SLCO6A1: variants seen among roughly 807,000 people sequenced by gnomAD.
SLCO6A1 encodes solute carrier organic anion transporter family member 6A1, also known as cancer/testis antigen 48.
Under a neutral mutation model 72.7 loss-of-function variants are expected in SLCO6A1, and 65 were observed. That is an observed-to-expected ratio of 0.89 (90% CI 0.73 to 1.10). The LOEUF is 1.10. Ranked by LOEUF, SLCO6A1 falls within the 50% of genes least tolerant of loss-of-function variation. The pLI, the probability that SLCO6A1 is intolerant of heterozygous loss-of-function variation, is 0.00. For missense variants in SLCO6A1, 874 were observed against 872.6 expected, an observed-to-expected ratio of 1.00 and a Z score of -0.02; for synonymous variants, 314 against 298.2, an observed-to-expected ratio of 1.05 and a Z score of -0.55.
chr5:102,498,902 G>T lies in SLCO6A1; in HGVS notation c.-58C>A. 2 of 1,496,096 alleles carry T rather than the reference G, an allele frequency of 1.3e-6. No homozygotes were observed. Among genetic ancestry groups the T allele is most frequent in the Non-Finnish European group, 1.8e-6 (2 of 1,116,142 alleles). The allele number at this position is 1,496,096 out of a possible 1,614,324, so 92.7% of individuals were successfully genotyped here. On this transcript the variant is annotated 5_prime_UTR_variant, in exon 1 of 14. Transcript: ENST00000506729. ...CCGAGTGCTCTCGGCTGCCCGTCCT[G>T]CCTGGGCCAACCCAAAGGCCAGCCT... is the stretch of plus-strand genomic sequence containing the variant.
chr5:102,465,616 A>T (rs1216537163), intron 4 of SLCO6A1, among the ~76,000 whole-genome samples: 1 of 152,108 alleles, frequency 6.6e-6, no homozygotes, highest in East Asian at 1.9e-4. Context: ...AACCTAGAAG[A>T]ATAAAAATTA....
chr5:102,419,650 T>A (rs747269546), intron 8 of SLCO6A1, among the ~76,000 whole-genome samples, 176 bp downstream of exon 8: 21 of 152,118 alleles, frequency 1.4e-4, no homozygotes, highest in Non-Finnish European at 2.1e-4. Context: ...GATACCATTA[T>A]AATATTTGTG....
Position 102,498,473 on chromosome 5 carries a change from T to A in SLCO6A1, c.358+14A>T. 1 of 1,603,258 alleles carries A rather than the reference T, an allele frequency of 6.2e-7. No homozygotes were observed. The highest frequency in any genetic ancestry group is 8.5e-7 in the Non-Finnish European group (1 of 1,174,020). ...GCTGCCCTCGCCACAACAAACCGCC[T>A]CCTTCAGGCTCACCTTGACATATGA... On this transcript the variant is annotated intron_variant, in intron 1 of 13. Transcript: ENST00000506729.
intron 8 of SLCO6A1, among the ~76,000 whole-genome samples, 162 bp from the exon 9 acceptor site, chr5:102,413,305 A>T (rs1015083044): frequency 6.6e-6 from 1 of 152,126 alleles, no homozygotes. Flanking sequence ...ACATACTTAG[A>T]CTAAAATTTG....
chr5:102,428,271 G>A (rs145605398), intron 7 of SLCO6A1, among the ~76,000 whole-genome samples: 2,419 of 151,756 alleles, frequency 0.016, 29 homozygotes, highest in South Asian at 0.043. Flanking sequence ...TCCACAAAAA[G>A]GCTTCTAGCA....
intron 1 of SLCO6A1, among the ~76,000 whole-genome samples, chr5:102,483,174 T>A (rs1752291957): frequency 6.6e-6 from 1 of 152,196 alleles, no homozygotes; most frequent in African/African-American, 2.4e-5. Context: ...AATGGCTTTC[T>A]TTTGGTGAAC....
chr5:102,471,649 C>A (rs1396611965), intron 4 of SLCO6A1, among the ~76,000 whole-genome samples: 1 of 152,042 alleles, frequency 6.6e-6, no homozygotes, highest in Non-Finnish European at 1.5e-5. Flanking sequence ...ATAACTGTGT[C>A]CAATTTATCC....
At chr5:102,380,634 G>A (rs1746053764) in intron 12 of SLCO6A1, among the ~76,000 whole-genome samples, 1 of 151,996 alleles carries the variant, frequency 6.6e-6, no homozygotes, top group African/African-American at 2.4e-5. Flanking sequence ...CTTTAGCAAT[G>A]AAGGCAGTCT....
intron 1 of SLCO6A1, among the ~76,000 whole-genome samples, chr5:102,494,198 A>G (rs1404365358): frequency 6.6e-6 from 1 of 152,184 alleles, no homozygotes; most frequent in Non-Finnish European, 1.5e-5. Flanking sequence ...TGTTTTCAAT[A>G]AACTATACTG....
At chr5:102,389,105 T>C (rs973095657) in intron 11 of SLCO6A1, among the ~76,000 whole-genome samples, 1 of 152,182 alleles carries the variant, frequency 6.6e-6, no homozygotes, top group African/African-American at 2.4e-5. Flanking sequence ...AATACTTTTA[T>C]TGGCTTTTAT....
At chr5:102,451,976 A>G (rs971969465) in intron 6 of SLCO6A1, among the ~76,000 whole-genome samples, 8 of 152,224 alleles carry the variant, frequency 5.3e-5, no homozygotes, top group Admixed American at 3.3e-4. Flanking sequence ...AAGGAAATTC[A>G]TTGTTTTAAC....
intron 2 of SLCO6A1, among the ~76,000 whole-genome samples, chr5:102,478,611 A>T (rs1022459717): frequency 2.0e-5 from 3 of 152,176 alleles, no homozygotes; most frequent in Non-Finnish European, 4.4e-5. Context: ...AGGTCACAGT[A>T]TATTTCTTAT....
At chr5:102,389,447 C>A (rs1254532904) in intron 11 of SLCO6A1, among the ~76,000 whole-genome samples, 2 of 57,578 alleles carry the variant, frequency 3.5e-5, no homozygotes, top group Non-Finnish European at 7.8e-5. Context: ...CACACCCCGC[C>A]CCCCACCCCC....
intron 12 of SLCO6A1, among the ~76,000 whole-genome samples, chr5:102,378,160 T>C (rs887802284): frequency 6.6e-6 from 1 of 152,086 alleles, no homozygotes; most frequent in African/African-American, 2.4e-5. Context: ...TTTCTTTTTT[T>C]TTAAATTATA....
At chr5:102,377,273 A>G (rs942363422) in intron 12 of SLCO6A1, among the ~76,000 whole-genome samples, 20 of 152,180 alleles carry the variant, frequency 1.3e-4, no homozygotes, top group African/African-American at 4.6e-4. Flanking sequence ...TCACAAATTG[A>G]AATAGTACTT....
chr5:102,459,676 C>G lies in SLCO6A1; in HGVS notation c.1001G>C (p.Cys334Ser). The change falls in exon 5 of 14, where the codon TGC becomes TCC. Residue 334 changes from cysteine (C) to serine (S), a missense_variant. By Grantham distance (112) the Cys-to-Ser change is moderately radical. Transcript: ENST00000506729. Reference sequence around the variant, plus strand: ...GTCACCTGGCATATTGTTTGGAAAGCATGACAATGGTATTAATGTACACCA... The same window carrying G: ...GTCACCTGGCATATTGTTTGGAAAGGATGACAATGGTATTAATGTACACCA... ...VAWCTLIPLS[C>S]FPNNMPGSTR... The G allele has an allele frequency of 3.8e-6, 6 of 1,592,314 alleles. No individual in the cohort carries two copies. Among genetic ancestry groups the G allele is most frequent in the Non-Finnish European group, 5.1e-6 (6 of 1,173,218 alleles).
chr5:102,485,165 C>T (rs542823723), intron 1 of SLCO6A1, among the ~76,000 whole-genome samples: 1 of 151,926 alleles, frequency 6.6e-6, no homozygotes, highest in African/African-American at 2.4e-5. Context: ...GCAGGAGAAT[C>T]GTTTGAACCT....
intron 9 of SLCO6A1, among the ~76,000 whole-genome samples, chr5:102,405,708 A>C (rs1251166249): frequency 6.6e-6 from 1 of 152,110 alleles, no homozygotes; most frequent in Admixed American, 6.6e-5. Context: ...GTAAATGATG[A>C]TGCTGAGCGA....
chr5:102,442,457 C>A (rs1447680071), intron 6 of SLCO6A1, among the ~76,000 whole-genome samples: 1 of 152,132 alleles, frequency 6.6e-6, no homozygotes, highest in Non-Finnish European at 1.5e-5. Flanking sequence ...TGGTTTAATA[C>A]AACTTCTGGC....
Sources: allele counts gnomAD v4.1 joint callset (sites outside exome capture counted in the v4.1 genomes callset), GRCh38; gene constraint gnomAD v4.1.1; transcripts MANE v1.5; gene names NCBI Gene and HGNC (gene_info 2026-07-23, HGNC 2026-07-21).